The following APLF variants were observed in gnomAD, a reference collection of about 807,000 sequenced individuals.
APLF encodes the protein aprataxin and PNKP like factor.
Under a neutral mutation model 55.6 loss-of-function variants are expected in APLF, and 61 were observed. The ratio of observed to expected loss-of-function variants is 1.10; its 90% CI spans 0.89 to 1.36. The LOEUF (loss-of-function observed/expected upper bound fraction) is 1.36. APLF is among the 40% of genes most tolerant of loss of function. The probability of loss-of-function intolerance (pLI) is 0.00; values close to 1 mark genes in which losing one functional copy is unlikely to be tolerated. For missense variants in APLF, 611 were observed against 602.5 expected (o/e 1.01, Z -0.15); for synonymous variants, 207 against 214.8 (o/e 0.96, Z 0.32).
intron 2 of APLF, among the ~76,000 whole-genome samples, chr2:68,501,250 A>G (rs1240446030): frequency 6.6e-6 from 1 of 152,182 alleles, no homozygotes; most frequent in African/African-American, 2.4e-5. Flanking sequence ...TAGGTGGATT[A>G]TATTCATTCT....
At chr2:68,516,843 C>A (rs1224723348) in intron 5 of APLF, among the ~76,000 whole-genome samples, 1 of 136,154 alleles carries the variant, frequency 7.3e-6, no homozygotes, top group Non-Finnish European at 1.5e-5. Context: ...GGAGGCATCA[C>A]GTTTTATATA....
intron 5 of APLF, among the ~76,000 whole-genome samples, chr2:68,524,394 A>G (rs1295544004): frequency 6.6e-6 from 1 of 152,220 alleles, no homozygotes; most frequent in African/African-American, 2.4e-5. Context: ...AATGTCCTTT[A>G]GAACTGGACT....
chr2:68,473,424 T>A (rs560084469), intron 1 of APLF, among the ~76,000 whole-genome samples: 13 of 152,224 alleles, frequency 8.5e-5, no homozygotes, highest in Admixed American at 8.5e-4. Context: ...CTTGGTTGCT[T>A]TCAAGTTTTA....
intron 6 of APLF, among the ~76,000 whole-genome samples, chr2:68,526,762 A>T (rs1201771994): frequency 1.3e-5 from 2 of 152,056 alleles, no homozygotes; most frequent in Admixed American, 1.3e-4. Flanking sequence ...ATCTCGGCTC[A>T]CTGCAACCTC....
intron 1 of APLF, among the ~76,000 whole-genome samples, chr2:68,487,914 A>T (rs1435018272): frequency 1.3e-5 from 2 of 152,172 alleles, no homozygotes; most frequent in African/African-American, 4.8e-5. Context: ...AAAGACACAT[A>T]GCTTGTAATG....
intron 8 of APLF, among the ~76,000 whole-genome samples, chr2:68,566,462 G>A (rs746088042): frequency 7.2e-5 from 11 of 151,964 alleles, no homozygotes; most frequent in South Asian, 2.1e-4. Flanking sequence ...GCTTAGAGCC[G>A]GAATATAGTG....
chr2:68,569,593 C>T (rs961727701), intron 9 of APLF, among the ~76,000 whole-genome samples: 3 of 152,052 alleles, frequency 2.0e-5, no homozygotes, highest in African/African-American at 7.2e-5. Flanking sequence ...GACATGGGCA[C>T]TTTGGCAAAT....
At chr2:68,563,019 G>A (rs934410408) in intron 8 of APLF, 2 of 974,596 alleles carry the variant, frequency 2.1e-6, no homozygotes, top group African/African-American at 3.5e-5. Flanking sequence ...TTTTGAGCCT[G>A]TCATAGATAC....
intron 3 of APLF, among the ~76,000 whole-genome samples, chr2:68,510,958 G>A (rs555478911): frequency 1.3e-5 from 2 of 151,882 alleles, no homozygotes; most frequent in South Asian, 4.2e-4. Flanking sequence ...TATGAAATAT[G>A]TAGAAAATGT....
intron 5 of APLF, among the ~76,000 whole-genome samples, chr2:68,518,952 A>T (rs1386482622): frequency 8.1e-6 from 1 of 124,014 alleles, no homozygotes; most frequent in African/African-American, 3.2e-5. Context: ...ATATAATATT[A>T]TTAATAATAC....
At chr2:68,526,027 A>G (rs1478133781) in intron 5 of APLF, 34 bp from the exon 6 acceptor site, 1 of 1,555,768 alleles carries the variant, frequency 6.4e-7, no homozygotes, top group Non-Finnish European at 8.7e-7. Flanking sequence ...AAGATACAGA[A>G]GATAATTTTC....
chr2:68,485,641 A>T (rs1310670801), intron 1 of APLF, among the ~76,000 whole-genome samples: 5 of 151,976 alleles, frequency 3.3e-5, no homozygotes. Context: ...TTTTACATTG[A>T]TAGTTAGAAA....
At chr2:68,506,385 T>G (rs76946053) in intron 3 of APLF, among the ~76,000 whole-genome samples, 2,701 of 151,318 alleles carry the variant, frequency 0.018, 99 homozygotes, top group African/African-American at 0.063. Context: ...CAAGGGGAAG[T>G]GGACTATGTA....
chr2:68,507,418 T>C (rs1471365087), intron 3 of APLF, among the ~76,000 whole-genome samples: 1 of 151,952 alleles, frequency 6.6e-6, no homozygotes, highest in Non-Finnish European at 1.5e-5. Context: ...TCTGTATAAT[T>C]AGTCCTACTC....
chr2:68,503,732 C>T (rs1002079237), intron 3 of APLF, among the ~76,000 whole-genome samples: 2 of 151,904 alleles, frequency 1.3e-5, no homozygotes, highest in Non-Finnish European at 2.9e-5. Flanking sequence ...AGTTTATAGT[C>T]GAATGCCTGT....
intron 9 of APLF, among the ~76,000 whole-genome samples, chr2:68,571,328 G>A (rs368558981): frequency 1.2e-4 from 18 of 148,242 alleles, no homozygotes; most frequent in African/African-American, 3.7e-4. Flanking sequence ...TTTGGCTTTT[G>A]TTGCCATTGC....
chr2:68,518,921 T>C (rs1417671759), intron 5 of APLF, among the ~76,000 whole-genome samples: 50 of 124,764 alleles, frequency 4.0e-4, no homozygotes, highest in African/African-American at 1.5e-3. Context: ...AATAATAATA[T>C]ATCATTAATA....
intron 1 of APLF, among the ~76,000 whole-genome samples, chr2:68,473,834 A>G (rs1027966580): frequency 6.6e-6 from 1 of 152,234 alleles, no homozygotes; most frequent in African/African-American, 2.4e-5. Flanking sequence ...GCAAGCGGTC[A>G]CTTTTACAGC....
intron 1 of APLF, among the ~76,000 whole-genome samples, chr2:68,479,900 T>A (rs551210072): frequency 2.0e-5 from 3 of 152,006 alleles, no homozygotes; most frequent in African/African-American, 7.3e-5. Context: ...GTGAAGACAA[T>A]GAAGATGAAG....
Sources: gnomAD v4.1 joint callset for allele counts (sites outside exome capture counted in the v4.1 genomes callset) on GRCh38, gnomAD v4.1.1 for gene constraint, MANE v1.5 for transcripts, NCBI Gene and HGNC (gene_info 2026-07-23, HGNC 2026-07-21) for gene names.